Variants in PAPPA2 observed in about 807,000 individuals in gnomAD.
PAPPA2 encodes the protein pappalysin-2.
Under a neutral mutation model 176.4 loss-of-function variants are expected in PAPPA2, and 86 were observed. That is an observed-to-expected ratio of 0.49 (90% CI 0.41 to 0.58). The LOEUF (loss-of-function observed/expected upper bound fraction) is 0.58, where lower values mean the gene tolerates loss of function less well. PAPPA2 is among the 20% of genes least tolerant of loss of function. The pLI is 0.00. For synonymous variants in PAPPA2, 809 were observed against 852.2 expected, an observed-to-expected ratio of 0.95 and a Z score of 0.88; for missense variants, 2,073 against 2,256.9, an observed-to-expected ratio of 0.92 and a Z score of 1.65.
At chr1:176,691,388 C>T (rs756638767) in intron 5 of PAPPA2, among the ~76,000 whole-genome samples, 11 of 152,250 alleles carry the variant, frequency 7.2e-5, no homozygotes, top group African/African-American at 1.4e-4. Context: ...AGTTTCATTG[C>T]GGTGAATAAT....
Position 176,717,418 on chromosome 1 carries a change from T to G in PAPPA2, c.3798+5437T>G, listed in dbSNP as rs143971204. 2.9e-3 allele frequency among the ~76,000 whole-genome samples: 447 copies of G among 152,326 alleles called. 6 individuals are homozygous for G. Among genetic ancestry groups the G allele is most frequent in the African/African-American group, 0.01 (432 of 41,588 alleles). On this transcript the variant is annotated intron_variant, in intron 12 of 22. Transcript: ENST00000367662. ...AGTTCCGAAAACTCCTTGCCCCTTTTCCAGAAAGTTCTGAATAGCCATCTC... is the reference window on the plus strand; with the variant it reads ...AGTTCCGAAAACTCCTTGCCCCTTTGCCAGAAAGTTCTGAATAGCCATCTC...
At chr1:176,618,863 TG>T (rs1226657029) in intron 3 of PAPPA2, among the ~76,000 whole-genome samples, 1 of 152,096 alleles carries the variant, frequency 6.6e-6, no homozygotes, top group Non-Finnish European at 1.5e-5. Flanking sequence ...AAGTGGGCTG[TG>T]GGGGCATAAA....
rs754684209 is a variant in PAPPA2 at position 176,739,949 on chromosome 1, G to A, written c.3935-31G>A. 12 of 1,608,812 alleles carry A rather than the reference G, an allele frequency of 7.5e-6. No homozygotes were observed. The East Asian group carries it at 1.8e-4, about 24-fold the overall frequency. On this transcript the variant is annotated intron_variant, in intron 13 of 22. Coordinates refer to ENST00000367662, the MANE Select transcript of PAPPA2 (RefSeq NM_020318.3). ...TGGAAACATGGTACTAACAATGGCT[G>A]AAAATATGATTCATCTCCGTTTATC...
In PAPPA2 at chr1:176,816,377, GCACACACACACA is replaced by G. The variant is rs66557602; in HGVS notation, c.5202+16259_5202+16270del. Among the ~76,000 whole-genome samples the G allele has an allele frequency of 2.8e-5, 4 of 144,796 alleles. No homozygotes were observed. The East Asian group carries it at 6.2e-4, about 23-fold the overall frequency. The allele number at this position is 144,796 out of a possible 152,430, so 95.0% of individuals were successfully genotyped here. ...GGTTTTAGCTCTCTGACATCATCAC[GCACACACACACA>G]CACACACACACACGCATACACACTC... On this transcript the variant is annotated intron_variant, in intron 21 of 22. Coordinates refer to ENST00000367662, the MANE Select transcript of PAPPA2 (RefSeq NM_020318.3).
At chr1:176,825,330 T>G (rs557856912) in intron 21 of PAPPA2, among the ~76,000 whole-genome samples, 2 of 152,368 alleles carry the variant, frequency 1.3e-5, no homozygotes, top group Admixed American at 1.3e-4. Flanking sequence ...AGGGGTGTTA[T>G]GCATGGTCTC....
chr1:176,666,561 ATGTGTGTGTG>A (rs139660279), intron 3 of PAPPA2, among the ~76,000 whole-genome samples: 1,758 of 109,488 alleles, frequency 0.016, 31 homozygotes, highest in African/African-American at 0.041. Context: ...GTAAATATAT[ATGTGTGTGTG>A]TGTGTGTGTG....
intron 1 of PAPPA2, among the ~76,000 whole-genome samples, chr1:176,465,879 G>C (rs207460670): frequency 6.6e-6 from 1 of 151,900 alleles, no homozygotes; most frequent in African/African-American, 2.4e-5. Flanking sequence ...TTCCTTTTGC[G>C]AGAACATGTG....
At chr1:176,559,440 G>A (rs553206317) in intron 2 of PAPPA2, among the ~76,000 whole-genome samples, 1 of 152,226 alleles carries the variant, frequency 6.6e-6, no homozygotes, top group Non-Finnish European at 1.5e-5. Context: ...AAAGATGGAG[G>A]TTGGGAACAT....
intron 14 of PAPPA2, among the ~76,000 whole-genome samples, chr1:176,746,618 G>A (rs932183937): frequency 1.3e-5 from 2 of 152,142 alleles, no homozygotes; most frequent in African/African-American, 2.4e-5. Flanking sequence ...TTTTTTTAAT[G>A]TTTTGAACTT....
intron 16 of PAPPA2, among the ~76,000 whole-genome samples, 199 bp from the exon 17 acceptor site, chr1:176,770,768 G>T (rs1664189511): frequency 6.6e-6 from 1 of 152,180 alleles, no homozygotes; most frequent in Non-Finnish European, 1.5e-5. Flanking sequence ...TTTTATGTAA[G>T]AGCATCACAC....
intron 1 of PAPPA2, among the ~76,000 whole-genome samples, chr1:176,488,151 T>C (rs1336872889): frequency 2.0e-5 from 3 of 152,208 alleles, no homozygotes; most frequent in Non-Finnish European, 4.4e-5. Flanking sequence ...ATTCCCAGTG[T>C]AGTTAAACTT....
Position 176,746,383 on chromosome 1 carries a change from G to A in PAPPA2, c.4151+6187G>A, listed in dbSNP as rs183692385. Among the ~76,000 whole-genome samples, 3 of 152,152 alleles carry A rather than the reference G, an allele frequency of 2.0e-5. No individual in the cohort carries two copies. In the East Asian group the frequency reaches 5.8e-4, roughly 29 times the overall value. ...TGTTCCACACAGGAGTTCCTTCCTG[G>A]CTTCAATACTGTTTTTCTTTTTCTT... On this transcript the variant is annotated intron_variant, in intron 14 of 22. Coordinates refer to ENST00000367662, the MANE Select transcript of PAPPA2 (RefSeq NM_020318.3).
chr1:176,838,909 A>G (rs1195705276), intron 21 of PAPPA2, among the ~76,000 whole-genome samples: 2 of 152,256 alleles, frequency 1.3e-5, no homozygotes, highest in African/African-American at 4.8e-5. Context: ...ATCCCATAGA[A>G]TAAATCAAAA....
intron 12 of PAPPA2, among the ~76,000 whole-genome samples, chr1:176,720,733 C>T (rs1661578042): frequency 6.6e-6 from 1 of 152,010 alleles, no homozygotes; most frequent in Non-Finnish European, 1.5e-5. Context: ...ATGATAGGCC[C>T]TCGGCAAGCG....
chr1:176,591,427 C>G (rs1031118147), intron 2 of PAPPA2, among the ~76,000 whole-genome samples: 4 of 152,150 alleles, frequency 2.6e-5, no homozygotes, highest in Admixed American at 2.6e-4. Context: ...GGGAGAATTT[C>G]TGCTATGTTA....
intron 21 of PAPPA2, among the ~76,000 whole-genome samples, chr1:176,825,833 G>T (rs1042163049): frequency 6.6e-6 from 1 of 152,204 alleles, no homozygotes; most frequent in African/African-American, 2.4e-5. Flanking sequence ...AAGTCACTAA[G>T]TAGCCACTTT....
At chr1:176,648,254 A>G (rs1657526112) in intron 3 of PAPPA2, among the ~76,000 whole-genome samples, 2 of 151,550 alleles carry the variant, frequency 1.3e-5, no homozygotes, top group Admixed American at 1.3e-4. Flanking sequence ...GTTGCTGTAT[A>G]TAAATGCTAC....
chr1:176,775,159 G>T (rs1188674838), intron 17 of PAPPA2, among the ~76,000 whole-genome samples: 2 of 152,094 alleles, frequency 1.3e-5, no homozygotes, highest in Non-Finnish European at 2.9e-5. Context: ...GATTACAAAT[G>T]ATCTGGTTAC....
chr1:176,493,364 C>T (rs868257209), intron 1 of PAPPA2, among the ~76,000 whole-genome samples: 6 of 152,062 alleles, frequency 3.9e-5, no homozygotes, highest in Non-Finnish European at 8.8e-5. Flanking sequence ...CAAACATTAG[C>T]GAATGAGTTT....
Sources: allele counts gnomAD v4.1 joint callset (sites outside exome capture counted in the v4.1 genomes callset), GRCh38; gene constraint gnomAD v4.1.1; transcripts MANE v1.5; gene names NCBI Gene and HGNC (gene_info 2026-07-23, HGNC 2026-07-21).